SKAP1: variants seen among roughly 807,000 people sequenced by gnomAD.
SKAP1 encodes src kinase associated phosphoprotein 1.
SKAP1 carries 44 observed loss-of-function variants against 58.5 expected under a neutral mutation model. That is an observed-to-expected ratio of 0.75 (90% confidence interval 0.59 to 0.97). SKAP1 has a LOEUF of 0.97. Among genes scored for constraint, SKAP1 ranks in the 50% least tolerant of loss-of-function variants. The probability of loss-of-function intolerance (pLI) is 0.00; values close to 1 mark genes in which losing one functional copy is unlikely to be tolerated. For missense variants in SKAP1, 390 were observed against 435.2 expected, an observed-to-expected ratio of 0.90 and a Z score of 0.92; for synonymous variants, 127 against 149.7, an observed-to-expected ratio of 0.85 and a Z score of 1.11.
chr17:48,262,660 C>T (rs1029863698), intron 4 of SKAP1, among the ~76,000 whole-genome samples: 7 of 152,274 alleles, frequency 4.6e-5, no homozygotes, highest in Non-Finnish European at 1.0e-4. Context: ...TGTTAAAAAG[C>T]CCATAAAACA....
intron 4 of SKAP1, among the ~76,000 whole-genome samples, chr17:48,223,501 GA>G (rs1225483174): frequency 6.6e-6 from 1 of 152,114 alleles, no homozygotes; most frequent in Non-Finnish European, 1.5e-5. Flanking sequence ...CGCAGTATAT[GA>G]AAATGCCCTT....
chr17:48,292,897 A>T (rs2065915598), intron 4 of SKAP1, among the ~76,000 whole-genome samples: 1 of 152,194 alleles, frequency 6.6e-6, no homozygotes, highest in Non-Finnish European at 1.5e-5. Context: ...TTTGAAGAGG[A>T]TTGTCACTGC....
At chr17:48,392,252 G>A (rs143812041) in intron 2 of SKAP1, among the ~76,000 whole-genome samples, 2 of 152,282 alleles carry the variant, frequency 1.3e-5, no homozygotes, top group East Asian at 3.9e-4. Flanking sequence ...GTTTCACACA[G>A]AGCTATAGGT....
chr17:48,308,744 G>C (rs941043024), intron 4 of SKAP1: 3 of 152,072 alleles, frequency 2.0e-5, no homozygotes, highest in Non-Finnish European at 2.9e-5. Context: ...CTTTGGGCAA[G>C]TTTCGTTTTC....
At chr17:48,415,780 C>T (rs2067725405) in intron 1 of SKAP1, among the ~76,000 whole-genome samples, 1 of 152,112 alleles carries the variant, frequency 6.6e-6, no homozygotes, top group Admixed American at 6.5e-5. Context: ...CCCATCAGCT[C>T]CTCACTCCTG....
chr17:48,203,469 A>T (rs555284175), intron 4 of SKAP1, among the ~76,000 whole-genome samples: 2 of 152,240 alleles, frequency 1.3e-5, no homozygotes, highest in Non-Finnish European at 2.9e-5. Flanking sequence ...ACAAAAGCAG[A>T]ATAGCTCTTC....
intron 1 of SKAP1, among the ~76,000 whole-genome samples, chr17:48,422,130 G>A (rs547550030): frequency 6.6e-6 from 1 of 152,248 alleles, no homozygotes; most frequent in East Asian, 1.9e-4. Context: ...AGAATCGCTC[G>A]AACCCAGGAG....
chr17:48,287,452 G>T (rs776018206), intron 4 of SKAP1, among the ~76,000 whole-genome samples: 1 of 151,864 alleles, frequency 6.6e-6, no homozygotes, highest in Non-Finnish European at 1.5e-5. Context: ...AAACTCGAAG[G>T]TGTGAAAGGA....
At chr17:48,390,131 T>C (rs1027866889) in intron 2 of SKAP1, among the ~76,000 whole-genome samples, 8 of 152,170 alleles carry the variant, frequency 5.3e-5, no homozygotes, top group Non-Finnish European at 1.0e-4. Flanking sequence ...TCTGTTCCAG[T>C]TTCCCTGTAA....
At chr17:48,297,414 GACCTTATA>G (rs2065992811) in intron 4 of SKAP1, among the ~76,000 whole-genome samples, 1 of 152,120 alleles carries the variant, frequency 6.6e-6, no homozygotes, top group South Asian at 2.1e-4. Flanking sequence ...CAATATAAAT[GACCTTATA>G]ACCTTATAAA....
chr17:48,431,302 C>A (rs2067913739), upstream of SKAP1, among the ~76,000 whole-genome samples: 1 of 152,084 alleles, frequency 6.6e-6, no homozygotes, highest in African/African-American at 2.4e-5. Context: ...AGAGCAAGAC[C>A]CTGTCTCTTA....
At chr17:48,355,886 C>T (rs1055106995) in intron 3 of SKAP1, among the ~76,000 whole-genome samples, 4 of 151,708 alleles carry the variant, frequency 2.6e-5, no homozygotes, top group East Asian at 3.9e-4. Flanking sequence ...TATATACCAA[C>T]GTTCTCAAAC....
At chr17:48,408,144 T>C (rs2144572568) in intron 1 of SKAP1, among the ~76,000 whole-genome samples, 1 of 152,250 alleles carries the variant, frequency 6.6e-6, no homozygotes, top group Non-Finnish European at 1.5e-5. Context: ...ATAACAAGAA[T>C]CATTTTATCT....
chr17:48,206,982 T>C (rs2064818233), intron 4 of SKAP1, among the ~76,000 whole-genome samples: 1 of 152,202 alleles, frequency 6.6e-6, no homozygotes, highest in South Asian at 2.1e-4. Flanking sequence ...TATGCATACA[T>C]TATTTTGATA....
intron 4 of SKAP1, among the ~76,000 whole-genome samples, chr17:48,198,454 C>CA (rs55958821): frequency 0.012 from 580 of 49,854 alleles, 56 homozygotes; most frequent in African/African-American, 0.033. Context: ...GACTCCGTCT[C>CA]AAAAAAAAAA....
At chr17:48,312,958 T>C (rs1421881603) in intron 4 of SKAP1, among the ~76,000 whole-genome samples, 1 of 152,176 alleles carries the variant, frequency 6.6e-6, no homozygotes. Flanking sequence ...AGAAATATAA[T>C]ACCAGAGGTT....
intron 4 of SKAP1, among the ~76,000 whole-genome samples, chr17:48,312,355 AT>A (rs1250478513): frequency 6.6e-6 from 1 of 152,250 alleles, no homozygotes; most frequent in Non-Finnish European, 1.5e-5. Flanking sequence ...GTTTTCTTGC[AT>A]ATACTTCTCT....
chr17:48,296,343 C>T (rs1015509481), intron 4 of SKAP1, among the ~76,000 whole-genome samples: 1 of 152,030 alleles, frequency 6.6e-6, no homozygotes, highest in South Asian at 2.1e-4. Context: ...TTGTTTCTCA[C>T]TATTGGAAAA....
chr17:48,221,711 T>C (rs1480322782), intron 4 of SKAP1, among the ~76,000 whole-genome samples: 1 of 152,190 alleles, frequency 6.6e-6, no homozygotes, highest in Non-Finnish European at 1.5e-5. Flanking sequence ...AATTGTGGGA[T>C]CAGAATTGCC....
Sources: gnomAD v4.1 joint callset for allele counts (sites outside exome capture counted in the v4.1 genomes callset) on GRCh38, gnomAD v4.1.1 for gene constraint, MANE v1.5 for transcripts, NCBI Gene and HGNC (gene_info 2026-07-23, HGNC 2026-07-21) for gene names.